The following SOX6 variants were observed in gnomAD, a reference collection of about 807,000 sequenced individuals.
SOX6 encodes the protein transcription factor SOX-6.
Under a neutral mutation model 97.8 loss-of-function variants are expected in SOX6, and 11 were observed. The ratio of observed to expected loss-of-function variants is 0.11; its 90% CI spans 0.07 to 0.19. The LOEUF is 0.19. SOX6 is among the 10% of genes least tolerant of loss of function. SOX6 has a pLI of 1.00. For synonymous variants in SOX6, 360 were observed against 371.4 expected (o/e 0.97, Z 0.35); for missense variants, 810 against 1,039.5 (o/e 0.78, Z 3.04).
chr11:16,643,762 A>G (rs1022505203), intron 3 of SOX6, among the ~76,000 whole-genome samples: 3 of 152,212 alleles, frequency 2.0e-5, no homozygotes, highest in Non-Finnish European at 4.4e-5. Flanking sequence ...GACCGTTGGA[A>G]AAGAGCAGTA....
intron 3 of SOX6, among the ~76,000 whole-genome samples, chr11:16,273,232 G>A (rs754034861): frequency 1.1e-4 from 16 of 151,872 alleles, no homozygotes; most frequent in Admixed American, 4.6e-4. Context: ...GATGATGTGC[G>A]TGAGTCAACA....
chr11:16,059,331 T>C lies in SOX6; in HGVS notation c.1102-3430A>G, dbSNP rs573335037. On this transcript the variant is annotated intron_variant, in intron 9 of 15. Coordinates refer to ENST00000683767, the MANE Select transcript of SOX6 (RefSeq NM_001367873.1). ...TCATTCAAATATTTTCTTTTCTTCT[T>C]ATAATCAAAGTTAAGCCACTACCTT... 9.9e-4 allele frequency among the ~76,000 whole-genome samples: 150 copies of C among 152,172 alleles called. 1 individual carries two copies. Among genetic ancestry groups the C allele is most frequent in the South Asian group, 7.1e-3 (34 of 4,820 alleles).
intron 3 of SOX6, among the ~76,000 whole-genome samples, chr11:16,625,381 C>T (rs974683832): frequency 3.9e-5 from 6 of 152,126 alleles, no homozygotes; most frequent in African/African-American, 1.2e-4. Context: ...TTGGTCTCTG[C>T]CCCCAGTTCC....
intron 4 of SOX6, among the ~76,000 whole-genome samples, chr11:16,218,334 G>A (rs10766304): frequency 0.48 from 72,578 of 151,872 alleles, 17,518 homozygotes; most frequent in South Asian, 0.61. Flanking sequence ...TATATGAAAT[G>A]CATCAAACTA....
chr11:16,416,970 T>G (rs928152112), intron 1 of SOX6, among the ~76,000 whole-genome samples: 1 of 152,126 alleles, frequency 6.6e-6, no homozygotes, highest in African/African-American at 2.4e-5. Flanking sequence ...GAGTCAGAAC[T>G]CCCCATGTAA....
Position 16,046,647 on chromosome 11 carries a change from A to C in SOX6, c.1490T>G (p.Met497Arg). The C allele has an allele frequency of 4.3e-6, 7 of 1,613,764 alleles. No homozygotes were observed. Among genetic ancestry groups the C allele is most frequent in the South Asian group, 1.1e-5 (1 of 91,080 alleles). The change falls in exon 12 of 16, where the codon ATG becomes AGG. Residue 497 changes from methionine (M) to arginine (R), a missense_variant. Physicochemically the swap from Met to Arg is moderately conservative, Grantham distance 91. Coordinates refer to ENST00000683767, the MANE Select transcript of SOX6 (RefSeq NM_001367873.1). ...PALFGDQDTV[M>R]KAIQEARKMR... ...CTTCCGCGCCTCCTGAATGGCTTTC[A>C]TCACTGTATCCTGATCCCCAAAAAG...
At chr11:16,265,353 C>G (rs777092078) in intron 3 of SOX6, among the ~76,000 whole-genome samples, 4 of 151,798 alleles carry the variant, frequency 2.6e-5, no homozygotes, top group Admixed American at 6.6e-5. Context: ...TTCAGAAGGG[C>G]TTTTAGAAGC....
At chr11:16,358,952 C>T (rs191899248), upstream of SOX6, among the ~76,000 whole-genome samples, 2 of 152,242 alleles carry the variant, frequency 1.3e-5, no homozygotes, top group East Asian at 3.9e-4. Context: ...GTGTCAAGTA[C>T]CATACTGACT....
chr11:16,729,775 G>A (rs886431118), intron 2 of SOX6, among the ~76,000 whole-genome samples: 2 of 152,048 alleles, frequency 1.3e-5, no homozygotes, highest in African/African-American at 4.8e-5. Flanking sequence ...AAAAGACACA[G>A]ACTGGCAAAT....
In SOX6 at chr11:16,583,614, C is replaced by CATATATACATAT. The variant is rs1554976095; in HGVS notation, n.609+28466_609+28467insATATGTATATAT. Among the ~76,000 whole-genome samples the CATATATACATAT allele has an allele frequency of 1.1e-3, 111 of 104,716 alleles. 2 individuals carry two copies. The highest frequency in any genetic ancestry group is 5.6e-3 in the Middle Eastern group (1 of 180). 68.7% of individuals were successfully genotyped at this position (104,716 alleles called of 152,430 possible). ...ATATGTATATATGTGTATATATATA[C>CATATATACATAT]ATATATATATATATATATATATACA... On this transcript the variant is annotated intron_variant and non_coding_transcript_variant, in intron 4 of 5. Coordinates refer to the SOX6 transcript ENST00000524520.
chr11:16,061,363 C>G (rs746580397), intron 9 of SOX6, among the ~76,000 whole-genome samples: 1 of 145,650 alleles, frequency 6.9e-6, no homozygotes, highest in Non-Finnish European at 1.5e-5. Flanking sequence ...ACAAGGAAAA[C>G]TATAGAACAC....
At chr11:16,165,254 A>G (rs1379973852) in intron 6 of SOX6, among the ~76,000 whole-genome samples, 1 of 152,202 alleles carries the variant, frequency 6.6e-6, no homozygotes, top group East Asian at 1.9e-4. Context: ...TTAAAATTTT[A>G]CTAAATTAAA....
At chr11:16,224,387 C>T (rs1242143399) in intron 4 of SOX6, among the ~76,000 whole-genome samples, 1 of 152,014 alleles carries the variant, frequency 6.6e-6, no homozygotes, top group Non-Finnish European at 1.5e-5. Context: ...TTTTCCCCAA[C>T]ATATTGATTT....
At chr11:16,705,151 G>A (rs570043438) in intron 3 of SOX6, among the ~76,000 whole-genome samples, 5 of 151,944 alleles carry the variant, frequency 3.3e-5, no homozygotes, top group Admixed American at 6.6e-5. Flanking sequence ...CCAGCTACTC[G>A]GAAGCCTGAG....
At chr11:15,997,328 G>C (rs758562352) in intron 13 of SOX6, among the ~76,000 whole-genome samples, 1 of 152,130 alleles carries the variant, frequency 6.6e-6, no homozygotes, top group African/African-American at 2.4e-5. Flanking sequence ...ATAATATTGC[G>C]TAAAGGTATG....
intron 3 of SOX6, among the ~76,000 whole-genome samples, chr11:16,277,306 C>A (rs1026292055): frequency 6.6e-6 from 1 of 152,008 alleles, no homozygotes; most frequent in Admixed American, 6.6e-5. Flanking sequence ...CCTCTCACTG[C>A]CCCCACCCAC....
chr11:16,359,051 T>C (rs959528876), upstream of SOX6, among the ~76,000 whole-genome samples: 1 of 151,828 alleles, frequency 6.6e-6, no homozygotes, highest in Non-Finnish European at 1.5e-5. Context: ...AAATAAACCA[T>C]TGAAAAGTGA....
intron 3 of SOX6, among the ~76,000 whole-genome samples, chr11:16,661,285 G>A (rs1847763742): frequency 6.6e-6 from 1 of 152,104 alleles, no homozygotes; most frequent in Non-Finnish European, 1.5e-5. Context: ...TTTGATTTGT[G>A]TTAGTACGGT....
At chr11:16,044,164 T>C (rs1855758697) in intron 12 of SOX6, among the ~76,000 whole-genome samples, 1 of 152,182 alleles carries the variant, frequency 6.6e-6, no homozygotes, top group African/African-American at 2.4e-5. Context: ...TAAACCTGCA[T>C]GCTGATCTTC....
Sources: gnomAD v4.1 joint callset for allele counts (sites outside exome capture counted in the v4.1 genomes callset) on GRCh38, gnomAD v4.1.1 for gene constraint, MANE v1.5 for transcripts, NCBI Gene and HGNC (gene_info 2026-07-23, HGNC 2026-07-21) for gene names.